Variants in CAMSAP3 observed in about 807,000 individuals in gnomAD.
The protein encoded by CAMSAP3 is calmodulin regulated spectrin associated protein family member 3, also known as calmodulin-regulated spectrin-associated protein 3.
Under a neutral mutation model 112.5 loss-of-function variants are expected in CAMSAP3, and 34 were observed. The observed-to-expected ratio is 0.30, with a 90% CI of 0.23 to 0.40. The LOEUF is 0.40. Ranked by LOEUF, CAMSAP3 falls within the 10% of genes least tolerant of loss-of-function variation. The probability of loss-of-function intolerance (pLI) is 1.00; values close to 1 mark genes in which losing one functional copy is unlikely to be tolerated. For missense variants in CAMSAP3, 1,602 were observed against 1,770.3 expected, an observed-to-expected ratio of 0.90 and a Z score of 1.71; for synonymous variants, 868 against 799.8, an observed-to-expected ratio of 1.09 and a Z score of -1.44.
At chr19:7,599,554 TCATCCATCCATC>T (rs543900596) in intron 1 of CAMSAP3, among the ~76,000 whole-genome samples, 2 of 27,698 alleles carry the variant, frequency 7.2e-5, no homozygotes, top group Non-Finnish European at 1.4e-4. Flanking sequence ...ACCCATTCAT[TCATCCATCCATC>T]CATCCATCCA....
In CAMSAP3 at chr19:7,612,554, C is replaced by G. The variant is rs141087775; in HGVS notation, c.2061C>G (p.Asp687Glu). 6.2e-3 allele frequency: 9,508 copies of G among 1,535,874 alleles called. 49 individuals carry two copies. Among genetic ancestry groups the G allele is most frequent in the Non-Finnish European group, 6.8e-3 (7,798 of 1,145,622 alleles). The change falls in exon 11 of 17, where the codon GAC (aspartate) becomes GAG (glutamate). Residue 687 changes from aspartate to glutamate, a missense_variant. Coordinates refer to ENST00000160298, the MANE Select transcript of CAMSAP3 (RefSeq NM_020902.2). ...CCAAGGCAGTGACCTTCTCGCCAGA[C>G]CTGGGCCCGGTGCCCCACGAGGGGC... is the stretch of plus-strand genomic sequence containing the variant. ...SRPKAVTFSP[D>E]LGPVPHEGLG...
Position 7,615,239 on chromosome 19 carries a change from G to A in CAMSAP3, c.2727G>A (p.Arg909=). 1 of 1,551,750 alleles carries A rather than the reference G, an allele frequency of 6.4e-7. No homozygotes were observed. The highest frequency in any genetic ancestry group is 8.7e-7 in the Non-Finnish European group (1 of 1,147,806). Residue 909 remains arginine, a synonymous_variant, in exon 12 of 17, where the codon CGG becomes CGA. Coordinates refer to ENST00000160298, the MANE Select transcript of CAMSAP3 (RefSeq NM_020902.2). This position sits in a 1 kb window ranked among gnomAD's most constrained non-coding sequence, Gnocchi z 6.5. The part of the protein sequence containing the change: ...MAQKRASLLE[R]QQRRAEEARR... ...AAAAGCGGGCCAGCCTGCTGGAGCG[G>A]CAGCAGCGGCGAGCAGAGGAGGCGC...
At position 7,607,996 on chromosome 19, in the gene CAMSAP3, A is replaced by G. The variant is rs962199021; in HGVS notation, c.622-130A>G. The G allele has an allele frequency of 1.7e-5, 20 of 1,171,846 alleles. No individual in the cohort carries two copies. Among genetic ancestry groups the G allele is most frequent in the South Asian group, 9.5e-5 (7 of 73,420 alleles). 72.6% of individuals were successfully genotyped at this position (1,171,846 alleles called of 1,614,324 possible). On this transcript the variant is annotated intron_variant, in intron 4 of 16. Transcript: ENST00000160298. This position sits in a 1 kb window ranked among gnomAD's most constrained non-coding sequence, Gnocchi z 4.9. The stretch of plus-strand genomic sequence containing the variant: ...TCCCCTGCTCCAGGCTGGCCCCCCA[A>G]CTCTGTCTCTGGGACCCCCAGCTTC...
rs1425962506 is a variant in CAMSAP3, at chr19:7,617,446, G to A, written c.3325+8G>A. 4 of 1,613,170 alleles carry A rather than the reference G, an allele frequency of 2.5e-6. No homozygotes were observed. In the African/African-American group the frequency reaches 4.0e-5, roughly 16 times the overall value. On this transcript the variant is annotated splice_region_variant and intron_variant, in intron 15 of 16. Transcript: ENST00000160298. This position sits in a 1 kb window ranked among gnomAD's most constrained non-coding sequence, Gnocchi z 7.5. ...CAGTGCCCGAGTACACAGGTAAGCA[G>A]GGGCTCTGGGTGATGTGAGGAGCAA...
At position 7,612,241 on chromosome 19, in the gene CAMSAP3, C is replaced by A; in HGVS notation, c.1748C>A (p.Ala583Glu). Reference protein sequence around the residue: ...QLVKAEAEAGAGSPTSTPAPP... With the variant: ...QLVKAEAEAGEGSPTSTPAPP... ...GTGAAGGCAGAGGCTGAGGCCGGAG[C>A]GGGGTCCCCCACGTCCACTCCGGCC... The change falls in exon 11 of 17, where the codon GCG (alanine) becomes GAG (glutamate). Residue 583 changes from alanine (A) to glutamate (E), a missense_variant. Physicochemically the swap from Ala to Glu is moderately radical, Grantham distance 107 (BLOSUM62 -1). Around this residue, in one of 6 missense-constraint regions of CAMSAP3, gnomAD observed 1,100 missense variants for 1,135.7 expected, o/e 0.97. Coordinates refer to ENST00000160298, the MANE Select transcript of CAMSAP3 (RefSeq NM_020902.2). 1 of 1,590,380 alleles carries A rather than the reference C, an allele frequency of 6.3e-7. No homozygotes were observed. Among genetic ancestry groups the A allele is most frequent in the Non-Finnish European group, 8.6e-7 (1 of 1,169,316 alleles).
chr19:7,611,912 C>T lies in CAMSAP3; in HGVS notation c.1419C>T (p.Leu473=). ...LQIIHSAEPR[L]LPDGAADGSF... ...TCATCCACAGTGCCGAGCCCCGGCT[C>T]CTCCCAGATGGGGCGGCCGACGGCA... The change falls in exon 11 of 17, where the codon CTC becomes CTT. Residue 473 remains leucine, a synonymous_variant. Transcript: ENST00000160298. The surrounding 1 kb of genome is among the most constrained non-coding windows in gnomAD (Gnocchi z 6.9). 1 of 1,584,696 alleles carries T rather than the reference C, an allele frequency of 6.3e-7. No individual in the cohort carries two copies. Among genetic ancestry groups the T allele is most frequent in the Non-Finnish European group, 8.6e-7 (1 of 1,162,586 alleles).
intron 1 of CAMSAP3, among the ~76,000 whole-genome samples, chr19:7,604,634 C>G (rs1464463871): frequency 6.6e-6 from 1 of 151,834 alleles, no homozygotes; most frequent in Non-Finnish European, 1.5e-5. Flanking sequence ...TGTGTGCCCC[C>G]CACTCATCCC....
Position 7,608,210 on chromosome 19 carries a change from G to A in CAMSAP3, c.706G>A (p.Ala236Thr). The A allele has an allele frequency of 6.2e-7, 1 of 1,612,636 alleles. No individual in the cohort carries two copies. The highest frequency in any genetic ancestry group is 8.5e-7 in the Non-Finnish European group (1 of 1,179,882). ...CAGCCTCCAGGACCTGGCCAGTGGG[G>A]CCGCGCTGGCCGCCACCATCCACTG... ...VTSLQDLASG[A>T]ALAATIHCYC... is the part of the protein sequence containing the mutation. Residue 236 changes from alanine to threonine, a missense_variant, in exon 5 of 17, where the codon GCC becomes ACC. Ala to Thr is a moderately conservative substitution (Grantham distance 58). This residue lies in a region of CAMSAP3 where 58 missense variants were observed against 108.4 expected (regional missense o/e 0.54). Transcript: ENST00000160298.
At chr19:7,603,821 C>A (rs1343145386) in intron 1 of CAMSAP3, among the ~76,000 whole-genome samples, 1 of 151,958 alleles carries the variant, frequency 6.6e-6, no homozygotes, top group East Asian at 1.9e-4. Flanking sequence ...TGCACTCCAG[C>A]AAAAACTCAA....
chr19:7,596,859 C>CCGGCTG (rs769455761), intron 1 of CAMSAP3, among the ~76,000 whole-genome samples: 2 of 152,180 alleles, frequency 1.3e-5, no homozygotes, highest in Non-Finnish European at 2.9e-5. Flanking sequence ...CCCGCTCCTC[C>CCGGCTG]CGGCTGCGGG....
intron 2 of CAMSAP3, among the ~76,000 whole-genome samples, chr19:7,605,721 C>T (rs1167201814): frequency 1.3e-5 from 2 of 150,424 alleles, no homozygotes; most frequent in Non-Finnish European, 2.9e-5. Context: ...TCTGGCTCCT[C>T]CCCTCAAGCG....
chr19:7,601,511 G>GTT (rs1243438183), intron 1 of CAMSAP3, among the ~76,000 whole-genome samples: 2 of 151,952 alleles, frequency 1.3e-5, no homozygotes, highest in African/African-American at 4.8e-5. Context: ...TAGAGGTGGG[G>GTT]TTTCACCATG....
At position 7,612,115 on chromosome 19, in the gene CAMSAP3, C is replaced by T; in HGVS notation, c.1622C>T (p.Pro541Leu). 6.2e-7 allele frequency: 1 copy of T among 1,612,336 alleles called. No individual in the cohort carries two copies. The highest frequency in any genetic ancestry group is 1.1e-5 in the South Asian group (1 of 91,066). Residue 541 changes from proline (P) to leucine (L), a missense_variant, in exon 11 of 17, where the codon CCA (proline) becomes CTA (leucine). Physicochemically the swap from Pro to Leu is moderately conservative, Grantham distance 98. Transcript: ENST00000160298. ...PCLVGEASKP[P>L]APSEGSPKAV... ...CTGGTGGGGGAGGCATCGAAACCGC[C>T]AGCCCCATCCGAGGGGTCCCCGAAG...
In CAMSAP3 at chr19:7,607,394, T is replaced by A. The variant is rs2030275560; in HGVS notation, c.622-732T>A. On this transcript the variant is annotated intron_variant, in intron 4 of 16. Transcript: ENST00000160298. The surrounding 1 kb of genome is among the most constrained non-coding windows in gnomAD (Gnocchi z 4.9). ...CTTCCCTGAATGAGCTGTGTGACCT[T>A]GCAGAAGTATCTAAACCTCTCTGTG... 6.6e-6 allele frequency among the ~76,000 whole-genome samples: 1 copy of A among 152,224 alleles called. No individual in the cohort carries two copies. The highest frequency in any genetic ancestry group is 6.5e-5 in the Admixed American group (1 of 15,284).
intron 11 of CAMSAP3, among the ~76,000 whole-genome samples, chr19:7,614,241 C>T (rs1429530923): frequency 1.2e-5 from 1 of 81,506 alleles, no homozygotes; most frequent in African/African-American, 5.0e-5. Flanking sequence ...GCCTGGGCAA[C>T]AGAGCGAGAC....
In CAMSAP3 at chr19:7,608,219, G is replaced by T; in HGVS notation, c.715G>T (p.Ala239Ser). ...GGACCTGGCCAGTGGGGCCGCGCTG[G>T]CCGCCACCATCCACTGCTATTGTCC... ...LQDLASGAAL[A>S]ATIHCYCPQL... The change falls in exon 5 of 17, where the codon GCC becomes TCC. Residue 239 changes from alanine (A) to serine (S), a missense_variant. Around this residue, in one of 6 missense-constraint regions of CAMSAP3, gnomAD observed 58 missense variants for 108.4 expected, o/e 0.54. Transcript: ENST00000160298. 6.2e-7 allele frequency: 1 copy of T among 1,612,670 alleles called. No homozygotes were observed. The highest frequency in any genetic ancestry group is 1.1e-5 in the South Asian group (1 of 91,076).
At chr19:7,598,584 G>C (rs2029861679) in intron 1 of CAMSAP3, among the ~76,000 whole-genome samples, 1 of 152,104 alleles carries the variant, frequency 6.6e-6, no homozygotes, top group Non-Finnish European at 1.5e-5. Context: ...AGATAAGAAA[G>C]GGTTCCAAGC....
rs941969965 is a variant in CAMSAP3 at position 7,611,216 on chromosome 19, C to T, written c.1123+48C>T. The T allele has an allele frequency of 6.4e-7, 1 of 1,564,438 alleles. No homozygotes were observed. The highest frequency in any genetic ancestry group is 8.8e-7 in the Non-Finnish European group (1 of 1,136,782). On this transcript the variant is annotated intron_variant, in intron 9 of 16. Coordinates refer to ENST00000160298, the MANE Select transcript of CAMSAP3 (RefSeq NM_020902.2). This position sits in a 1 kb window ranked among gnomAD's most constrained non-coding sequence, Gnocchi z 6.9. Reference sequence around the variant, plus strand: ...CTGTCACGGGGGACCCCCCCACTCACAGACTGCCCCAGTGGGCCTCATGTT... The same window carrying T: ...CTGTCACGGGGGACCCCCCCACTCATAGACTGCCCCAGTGGGCCTCATGTT...
intron 13 of CAMSAP3, 156 bp from the exon 14 acceptor site, chr19:7,616,367 C>A: frequency 1.7e-6 from 1 of 595,564 alleles, no homozygotes; most frequent in Non-Finnish European, 3.0e-6. Context: ...AAAGCATCCT[C>A]CCTCATAGAG....
Sources: gnomAD v4.1 joint callset for allele counts (sites outside exome capture counted in the v4.1 genomes callset) on GRCh38, gnomAD v4.1.1 for gene constraint, gnomAD v4.1.1 regional missense constraint, Gnocchi (gnomAD v3.1) non-coding constraint, MANE v1.5 for transcripts, NCBI Gene and HGNC (gene_info 2026-07-23, HGNC 2026-07-21) for gene names.